Variants in MGST1 observed in about 807,000 individuals in gnomAD.
The protein encoded by MGST1 is microsomal glutathione S-transferase 1, also known as glutathione S-transferase 12.
MGST1 carries 5 observed loss-of-function variants against 8.9 expected under a neutral mutation model. That is an observed-to-expected ratio of 0.56 (90% CI 0.29 to 1.19). The LOEUF is 1.19. Among genes scored for constraint, MGST1 ranks in the 50% most tolerant of loss-of-function variants. The pLI is 0.08. For missense variants in MGST1, 182 were observed against 187.4 expected, an observed-to-expected ratio of 0.97 and a Z score of 0.17; for synonymous variants, 54 against 67.8, an observed-to-expected ratio of 0.80 and a Z score of 1.00.
downstream of MGST1, among the ~76,000 whole-genome samples, chr12:16,443,379 T>C (rs1276411686): frequency 6.6e-6 from 1 of 151,830 alleles, no homozygotes; most frequent in African/African-American, 2.4e-5. Context: ...GTCTAAAATC[T>C]CGCTTTTTGT....
chr12:16,559,790 T>C lies in MGST1; in HGVS notation n.483-29738T>C, dbSNP rs1440539437. 7.5e-6 allele frequency among the ~76,000 whole-genome samples: 1 copy of C among 132,784 alleles called. No individual in the cohort carries two copies. The highest frequency in any genetic ancestry group is 1.6e-5 in the Non-Finnish European group (1 of 60,682). 87.1% of individuals were successfully genotyped at this position (132,784 alleles called of 152,430 possible). On this transcript the variant is annotated intron_variant and non_coding_transcript_variant, in intron 4 of 4. Transcript: ENST00000538857. This position sits in a 1 kb window ranked among gnomAD's most constrained non-coding sequence, Gnocchi z 4.1. Reference sequence around the variant, plus strand: ...ACATAGTGAAACTCCATCATCTCTATAAAAAATGAAAAAAAAAAAAAATTA... The same window carrying C: ...ACATAGTGAAACTCCATCATCTCTACAAAAAATGAAAAAAAAAAAAAATTA...
intron 4 of MGST1, among the ~76,000 whole-genome samples, chr12:16,508,002 C>G (rs958791356): frequency 6.6e-6 from 1 of 152,104 alleles, no homozygotes; most frequent in African/African-American, 2.4e-5. Context: ...TTGAGTTCAG[C>G]ATGCTTTTTT....
chr12:16,422,689 A>C (rs1940849071), intron 1 of MGST1, among the ~76,000 whole-genome samples: 1 of 152,268 alleles, frequency 6.6e-6, no homozygotes, highest in South Asian at 2.1e-4. Flanking sequence ...AAACAGCTTT[A>C]ATCTGTTAGG....
At position 16,579,079 on chromosome 12, in the gene MGST1, G is replaced by A. The variant is rs1032801991; in HGVS notation, n.483-10449G>A. The stretch of plus-strand genomic sequence containing the variant: ...CAACCCAAACACTCTCTAGAGCTTA[G>A]TTTTTTAAAAAGGCACTGATTATAA... On this transcript the variant is annotated intron_variant and non_coding_transcript_variant, in intron 4 of 4. Transcript: ENST00000538857. 4.6e-5 allele frequency among the ~76,000 whole-genome samples: 7 copies of A among 152,130 alleles called. No homozygotes were observed. The East Asian group carries it at 5.8e-4, about 13-fold the overall frequency.
chr12:16,385,271 A>T (rs944193375), intron 1 of MGST1, among the ~76,000 whole-genome samples: 1 of 152,224 alleles, frequency 6.6e-6, no homozygotes, highest in African/African-American at 2.4e-5. Flanking sequence ...AAATAGTTTG[A>T]ACTGCAATAT....
intron 4 of MGST1, among the ~76,000 whole-genome samples, chr12:16,456,468 A>C (rs1941173360): frequency 1.3e-5 from 2 of 151,928 alleles, no homozygotes; most frequent in Non-Finnish European, 2.9e-5. Context: ...CAAATATTCT[A>C]TCCAAGTACA....
rs763918054 is a variant in MGST1, at chr12:16,560,470, C to T, written n.483-29058C>T. 6 of 1,613,854 alleles carry T rather than the reference C, an allele frequency of 3.7e-6. No individual in the cohort carries two copies. The highest frequency in any genetic ancestry group is 1.3e-5 in the African/African-American group (1 of 74,934). On this transcript the variant is annotated intron_variant and non_coding_transcript_variant, in intron 4 of 4. Coordinates refer to the MGST1 transcript ENST00000538857. This position sits in a 1 kb window ranked among gnomAD's most constrained non-coding sequence, Gnocchi z 5.0. The stretch of plus-strand genomic sequence containing the variant: ...CAGGTGGTAAACATTGTCCTTGGCA[C>T]GCATCACCATCTCAAAGGCAGGGAT...
downstream of MGST1, among the ~76,000 whole-genome samples, chr12:16,439,565 GGT>G (rs1591728623): frequency 6.6e-6 from 1 of 151,740 alleles, no homozygotes; most frequent in East Asian, 1.9e-4. Flanking sequence ...AAACACTGGT[GGT>G]GCCTGATATA....
chr12:16,430,554 C>A (rs113621729), intron 1 of MGST1, among the ~76,000 whole-genome samples: 1,574 of 152,224 alleles, frequency 0.01, 32 homozygotes, highest in African/African-American at 0.036. Flanking sequence ...ACTTACACAT[C>A]CATCAGAGCT....
intron 1 of MGST1, among the ~76,000 whole-genome samples, chr12:16,390,419 T>G (rs148907751): frequency 2.0e-5 from 3 of 152,178 alleles, no homozygotes; most frequent in Admixed American, 2.0e-4. Flanking sequence ...TATCCAATAG[T>G]TATTCTTTTC....
At chr12:16,583,977 TA>T (rs1452961227) in intron 4 of MGST1, among the ~76,000 whole-genome samples, 21 of 152,188 alleles carry the variant, frequency 1.4e-4, no homozygotes, top group Non-Finnish European at 8.8e-5. Flanking sequence ...GTGTGGAGTT[TA>T]AGATTCCTGA....
downstream of MGST1, among the ~76,000 whole-genome samples, chr12:16,366,344 T>C (rs995585202): frequency 6.6e-6 from 1 of 152,120 alleles, no homozygotes; most frequent in African/African-American, 2.4e-5. The surrounding 1 kb of genome is among the most constrained non-coding windows in gnomAD (Gnocchi z 4.0). Context: ...GATTTATTAG[T>C]GAAACTGCTT....
intron 4 of MGST1, among the ~76,000 whole-genome samples, chr12:16,563,853 T>C (rs1347804675): frequency 6.6e-6 from 1 of 152,228 alleles, no homozygotes; most frequent in East Asian, 1.9e-4. Context: ...AATAAGCTCA[T>C]TGATCTATTT....
intron 4 of MGST1, among the ~76,000 whole-genome samples, chr12:16,572,339 C>CT (rs59773866): frequency 0.41 from 36,436 of 89,754 alleles, 8,356 homozygotes; most frequent in South Asian, 0.49. Flanking sequence ...GGTCCAAACT[C>CT]TTTTTTTTTT....
At chr12:16,428,168 C>G (rs1940909109) in intron 1 of MGST1, among the ~76,000 whole-genome samples, 1 of 151,718 alleles carries the variant, frequency 6.6e-6, no homozygotes, top group Non-Finnish European at 1.5e-5. Flanking sequence ...CCCTTCATAG[C>G]TTTTTCCAAA....
chr12:16,563,582 T>C (rs1310357941), intron 4 of MGST1, among the ~76,000 whole-genome samples: 7 of 152,168 alleles, frequency 4.6e-5, no homozygotes, highest in Non-Finnish European at 8.8e-5. Flanking sequence ...CTGATAATTC[T>C]TGTAACCTCT....
At chr12:16,432,829 A>G (rs1940951224) in intron 1 of MGST1, among the ~76,000 whole-genome samples, 1 of 152,026 alleles carries the variant, frequency 6.6e-6, no homozygotes, top group South Asian at 2.1e-4. Context: ...GTTCACTCAC[A>G]CAATTATGGA....
chr12:16,566,466 C>G (rs369401795), intron 4 of MGST1, among the ~76,000 whole-genome samples: 7 of 151,916 alleles, frequency 4.6e-5, no homozygotes, highest in African/African-American at 1.4e-4. Context: ...TTGAACTACC[C>G]TAATTAGATC....
At chr12:16,512,759 T>C (rs1383737908) in intron 4 of MGST1, among the ~76,000 whole-genome samples, 1 of 152,226 alleles carries the variant, frequency 6.6e-6, no homozygotes, top group East Asian at 1.9e-4. Context: ...ATAAATAAAA[T>C]AATTTCTTGC....
Sources: gnomAD v4.1 joint callset for allele counts (sites outside exome capture counted in the v4.1 genomes callset) on GRCh38, gnomAD v4.1.1 for gene constraint, Gnocchi (gnomAD v3.1) non-coding constraint, MANE v1.5 for transcripts, NCBI Gene and HGNC (gene_info 2026-07-23, HGNC 2026-07-21) for gene names.